LRSAM1: variants seen among roughly 807,000 people sequenced by gnomAD.
The protein encoded by LRSAM1 is leucine rich repeat and sterile alpha motif containing 1, also known as E3 ubiquitin-protein ligase LRSAM1.
LRSAM1 carries 96 observed loss-of-function variants against 118.1 expected under a neutral mutation model. That is an observed-to-expected ratio of 0.81 (90% confidence interval 0.69 to 0.96). LRSAM1 has a LOEUF of 0.96. Ranked by LOEUF, LRSAM1 falls within the 40% of genes least tolerant of loss-of-function variation. The pLI, the probability that LRSAM1 is intolerant of heterozygous loss-of-function variation, is 0.00. For missense variants in LRSAM1, 804 were observed against 915.5 expected, an observed-to-expected ratio of 0.88 and a Z score of 1.57; for synonymous variants, 322 against 364.2, an observed-to-expected ratio of 0.88 and a Z score of 1.32.
At chr9:127,493,018 G>C (rs908764436) in intron 21 of LRSAM1, 121 bp downstream of exon 21, 13 of 833,848 alleles carry the variant, frequency 1.6e-5, no homozygotes, top group Admixed American at 2.0e-5. Flanking sequence ...AAACTGGAAA[G>C]TACAAAGGAA....
At chr9:127,475,350 G>T (rs1835315017) in intron 11 of LRSAM1, among the ~76,000 whole-genome samples, 1 of 152,032 alleles carries the variant, frequency 6.6e-6, no homozygotes, top group South Asian at 2.1e-4. Context: ...ACTTAGCCAG[G>T]CATGGAGGCG....
chr9:127,473,147 A>G (rs1461014366), intron 10 of LRSAM1, among the ~76,000 whole-genome samples: 1 of 152,190 alleles, frequency 6.6e-6, no homozygotes, highest in Non-Finnish European at 1.5e-5. Context: ...TCTCCTGCCC[A>G]TTTTTAGTAT....
chr9:127,474,981 T>G (rs892661922), intron 11 of LRSAM1, among the ~76,000 whole-genome samples: 6 of 152,140 alleles, frequency 3.9e-5, no homozygotes, highest in Admixed American at 3.3e-4. Flanking sequence ...CCACTGACTC[T>G]TAATCTCTGG....
chr9:127,456,743 G>C (rs964044804), intron 5 of LRSAM1, among the ~76,000 whole-genome samples: 1 of 152,052 alleles, frequency 6.6e-6, no homozygotes, highest in Non-Finnish European at 1.5e-5. Flanking sequence ...GCATGCGCCT[G>C]TAGTCCCAGC....
Position 127,461,156 on chromosome 9 carries a change from C to T in LRSAM1, c.322-17C>T. 3 of 1,605,210 alleles carry T rather than the reference C, an allele frequency of 1.9e-6. No homozygotes were observed. Among genetic ancestry groups the T allele is most frequent in the East Asian group, 4.5e-5 (2 of 44,526 alleles). On this transcript the variant is annotated splice_polypyrimidine_tract_variant and intron_variant, in intron 7 of 25. Coordinates refer to ENST00000300417, the MANE Select transcript of LRSAM1 (RefSeq NM_001005373.4). ...GGCATAAGCCACTGCGCCTGGCTGC[C>T]TCTTCCTCTTTCTTAGGTCTTAAAC... is the stretch of plus-strand genomic sequence containing the variant.
chr9:127,485,875 G>A (rs1283203412), intron 17 of LRSAM1, 40 bp downstream of exon 17: 2 of 1,590,620 alleles, frequency 1.3e-6, no homozygotes, highest in African/African-American at 1.3e-5. Context: ...GGGAGCTGGG[G>A]GAGCTGGCTC....
intron 10 of LRSAM1, among the ~76,000 whole-genome samples, chr9:127,468,348 G>T (rs776393347): frequency 6.6e-6 from 1 of 152,130 alleles, no homozygotes; most frequent in Non-Finnish European, 1.5e-5. Context: ...CAGGACAGGG[G>T]ACCAGTTAGG....
At chr9:127,499,837 A>G (rs1008776932) in intron 24 of LRSAM1, among the ~76,000 whole-genome samples, 3 of 151,752 alleles carry the variant, frequency 2.0e-5, no homozygotes, top group Non-Finnish European at 4.4e-5. Flanking sequence ...AGGCAGGAGA[A>G]TCACTTGAAT....
intron 9 of LRSAM1, among the ~76,000 whole-genome samples, chr9:127,466,816 G>C (rs1448900128): frequency 5.9e-5 from 9 of 151,880 alleles, no homozygotes; most frequent in Admixed American, 5.3e-4. Context: ...AGACTAGCCT[G>C]GGTAACATAG....
intron 16 of LRSAM1, 72 bp from the exon 17 acceptor site, chr9:127,485,664 C>G: frequency 7.0e-7 from 1 of 1,432,628 alleles, no homozygotes; most frequent in Non-Finnish European, 9.8e-7. Flanking sequence ...GTGGAAATCC[C>G]TGCTGCCTCC....
At chr9:127,490,131 C>CT (rs1835881785) in intron 19 of LRSAM1, among the ~76,000 whole-genome samples, 1 of 152,050 alleles carries the variant, frequency 6.6e-6, no homozygotes, top group Non-Finnish European at 1.5e-5. Context: ...TGGTCACCGC[C>CT]TGTGGAGTGG....
At chr9:127,480,038 G>T in intron 14 of LRSAM1, 60 bp downstream of exon 14, 1 of 1,611,470 alleles carries the variant, frequency 6.2e-7, no homozygotes, top group Non-Finnish European at 8.5e-7. Context: ...CCCCTGAGGA[G>T]CCGGGAGGAG....
Position 127,465,147 on chromosome 9 carries a change from C to T in LRSAM1, c.529-2593C>T, listed in dbSNP as rs1834883421. Among the ~76,000 whole-genome samples, 1 of 152,144 alleles carries T rather than the reference C, an allele frequency of 6.6e-6. No individual in the cohort carries two copies. Among genetic ancestry groups the T allele is most frequent in the Non-Finnish European group, 1.5e-5 (1 of 68,040 alleles). The stretch of plus-strand genomic sequence containing the variant: ...CTGTTTGGCTATGAGGAGACCACAG[C>T]CCCAGGACACTAAGGGGCCTGATTA... On this transcript the variant is annotated intron_variant, in intron 9 of 25. Coordinates refer to ENST00000300417, the MANE Select transcript of LRSAM1 (RefSeq NM_001005373.4). The surrounding 1 kb of genome is among the most constrained non-coding windows in gnomAD (Gnocchi z 4.1).
At chr9:127,456,226 TTTTG>T (rs1189787438) in intron 5 of LRSAM1, among the ~76,000 whole-genome samples, 25 of 146,948 alleles carry the variant, frequency 1.7e-4, no homozygotes, top group Admixed American at 7.5e-4. Context: ...GCGCTGGAAG[TTTTG>T]TTTGTTTTTT....
chr9:127,481,821 C>T (rs371977635), intron 15 of LRSAM1, among the ~76,000 whole-genome samples: 16 of 151,714 alleles, frequency 1.1e-4, no homozygotes, highest in East Asian at 7.8e-4. Context: ...TTTGGGAGGC[C>T]GAGGTGGGCA....
In LRSAM1 at chr9:127,503,442, C is replaced by T. The variant is rs1836473569; in HGVS notation, c.*543C>T. ...CCTCCTGCTCTCCACAACTGTCCCT[C>T]CTTACCCCATGTAGCTCGATCCGAA... is the stretch of plus-strand genomic sequence containing the variant. On this transcript the variant is annotated 3_prime_UTR_variant, in exon 26 of 26. Transcript: ENST00000300417. 6.0e-6 allele frequency: 1 copy of T among 166,238 alleles called. No individual in the cohort carries two copies. Among genetic ancestry groups the T allele is most frequent in the African/African-American group, 2.4e-5 (1 of 41,636 alleles). The allele number at this position is 166,238 out of a possible 1,614,324, so 10.3% of individuals were successfully genotyped here. A position where few individuals can be genotyped will look rare whatever the true frequency, so the allele number is the denominator to read the frequency against.
chr9:127,477,680 G>T lies in LRSAM1; in HGVS notation c.751-1254G>T, dbSNP rs747767926. ...TGGGAGGATCACTAGAGCCCAGGAG[G>T]TCGCGGCTGCAGTGAGCTGAGATTG... On this transcript the variant is annotated intron_variant, in intron 11 of 25. Coordinates refer to ENST00000300417, the MANE Select transcript of LRSAM1 (RefSeq NM_001005373.4). 2.2e-4 allele frequency among the ~76,000 whole-genome samples: 33 copies of T among 152,090 alleles called. 1 individual carries two copies. Among genetic ancestry groups the T allele is most frequent in the African/African-American group, 7.9e-4 (33 of 41,510 alleles).
chr9:127,454,556 C>T lies in LRSAM1; in HGVS notation c.29C>T (p.Pro10Leu). 6.2e-7 allele frequency: 1 copy of T among 1,614,148 alleles called. No individual in the cohort carries two copies. Among genetic ancestry groups the T allele is most frequent in the South Asian group, 1.1e-5 (1 of 91,082 alleles). Residue 10 changes from proline to leucine, a missense_variant, in exon 3 of 26, where the codon CCC (proline) becomes CTC (leucine). Physicochemically the swap from Pro to Leu is moderately conservative, Grantham distance 98. Coordinates refer to ENST00000300417, the MANE Select transcript of LRSAM1 (RefSeq NM_001005373.4). ...CCGCTCTTCTTCCGGAAGCGGAAACCCAGTGAGGAGGCTCGGAAACGCCTG... is the reference window on the plus strand; with the variant it reads ...CCGCTCTTCTTCCGGAAGCGGAAACTCAGTGAGGAGGCTCGGAAACGCCTG... MPLFFRKRK[P>L]SEEARKRLEY...
rs192772527 is a variant in LRSAM1 at position 127,466,567 on chromosome 9, G to A, written c.529-1173G>A. Among the ~76,000 whole-genome samples, 105 of 126,538 alleles carry A rather than the reference G, an allele frequency of 8.3e-4. 5 individuals are homozygous for A. The South Asian group carries it at 0.014, about 17-fold the overall frequency. 83.0% of individuals were successfully genotyped at this position (126,538 alleles called of 152,430 possible). On this transcript the variant is annotated intron_variant, in intron 9 of 25. Coordinates refer to ENST00000300417, the MANE Select transcript of LRSAM1 (RefSeq NM_001005373.4). ...GGGGTCTCGCTATGTTGCCCAGGCTGGTCTCGAACTCCTGGGCTGAAGTGA... is the reference window on the plus strand; with the variant it reads ...GGGGTCTCGCTATGTTGCCCAGGCTAGTCTCGAACTCCTGGGCTGAAGTGA...
Sources: allele counts gnomAD v4.1 joint callset (sites outside exome capture counted in the v4.1 genomes callset), GRCh38; gene constraint gnomAD v4.1.1; non-coding constraint Gnocchi (gnomAD v3.1); transcripts MANE v1.5; gene names NCBI Gene and HGNC (gene_info 2026-07-23, HGNC 2026-07-21).